The following CHODL variants were observed in gnomAD, a reference collection of about 807,000 sequenced individuals.
The protein encoded by CHODL is chondrolectin, also known as transmembrane protein MT75.
A neutral mutation model predicts 34.5 loss-of-function variants in CHODL; 29 were observed. The ratio of observed to expected loss-of-function variants is 0.84; its 90% CI spans 0.63 to 1.15. CHODL has a LOEUF of 1.15. Ranked by LOEUF, CHODL falls within the 50% of genes most tolerant of loss-of-function variation. The pLI, the probability that CHODL is intolerant of heterozygous loss-of-function variation, is 0.00. For missense variants in CHODL, 332 were observed against 332.5 expected, an observed-to-expected ratio of 1.00 and a Z score of 0.01; for synonymous variants, 125 against 116.1, an observed-to-expected ratio of 1.08 and a Z score of -0.49.
At chr21:18,096,521 G>A (rs8129584) in intron 2 of CHODL, among the ~76,000 whole-genome samples, 54,133 of 151,978 alleles carry the variant, frequency 0.36, 11,068 homozygotes, top group East Asian at 0.84. Context: ...GCCACTCTGG[G>A]AGTGTCTGTC....
At chr21:18,067,284 T>C (rs1051446604) in intron 2 of CHODL, among the ~76,000 whole-genome samples, 2 of 152,232 alleles carry the variant, frequency 1.3e-5, no homozygotes, top group African/African-American at 4.8e-5. Flanking sequence ...CAGAATGTGA[T>C]CTTATTTGAC....
intron 2 of CHODL, among the ~76,000 whole-genome samples, chr21:18,051,907 A>C (rs1021037500): frequency 6.6e-6 from 1 of 152,002 alleles, no homozygotes; most frequent in African/African-American, 2.4e-5. Context: ...TGTTAATGGA[A>C]AAGAGAGGTC....
At chr21:18,216,445 C>G (rs1413409619) in intron 2 of CHODL, among the ~76,000 whole-genome samples, 1 of 151,966 alleles carries the variant, frequency 6.6e-6, no homozygotes, top group African/African-American at 2.4e-5. Flanking sequence ...CCCCATTACA[C>G]TTCCCACTCA....
chr21:18,112,517 T>A (rs1392520181), intron 2 of CHODL, among the ~76,000 whole-genome samples: 1 of 152,052 alleles, frequency 6.6e-6, no homozygotes, highest in Non-Finnish European at 1.5e-5. Context: ...TCAAATTATA[T>A]TACAGAGCTA....
chr21:18,236,652 C>T (rs986543571), intron 2 of CHODL, among the ~76,000 whole-genome samples: 1 of 152,008 alleles, frequency 6.6e-6, no homozygotes, highest in Non-Finnish European at 1.5e-5. Context: ...AGAAAGTGAG[C>T]AGGCAGTTTC....
intron 1 of CHODL, among the ~76,000 whole-genome samples, chr21:17,941,354 A>G (rs1382752533): frequency 6.8e-6 from 1 of 146,066 alleles, no homozygotes; most frequent in Non-Finnish European, 1.5e-5. Flanking sequence ...TCACACAGCA[A>G]TAATATATTT....
upstream of CHODL, among the ~76,000 whole-genome samples, chr21:18,241,725 C>G (rs139384814): frequency 3.9e-3 from 586 of 152,160 alleles, 3 homozygotes; most frequent in African/African-American, 0.012. Flanking sequence ...TGAAGGAGTT[C>G]GTGATATATT....
At chr21:18,108,230 G>A (rs77713026) in intron 2 of CHODL, among the ~76,000 whole-genome samples, 2,164 of 151,742 alleles carry the variant, frequency 0.014, 65 homozygotes, top group South Asian at 0.13. Context: ...GGAAGGTCAC[G>A]GTTGCATATT....
At chr21:18,034,748 C>T (rs2064289940) in intron 2 of CHODL, 1 of 151,938 alleles carries the variant, frequency 6.6e-6, no homozygotes, top group Admixed American at 6.6e-5. Flanking sequence ...AATCTTGAAC[C>T]CCAGTACTTA....
intron 3 of CHODL, 74 bp from the exon 4 acceptor site, chr21:18,260,126 A>T (rs562241725): frequency 1.9e-6 from 1 of 537,294 alleles, no homozygotes; most frequent in African/African-American, 2.2e-5. Flanking sequence ...TTTATAATAT[A>T]ATTTCATATT....
At chr21:18,158,915 A>G (rs1357242724) in intron 2 of CHODL, among the ~76,000 whole-genome samples, 1 of 151,866 alleles carries the variant, frequency 6.6e-6, no homozygotes, top group Non-Finnish European at 1.5e-5. Context: ...TTCTTAGTGT[A>G]TTGTGCATGT....
intron 2 of CHODL, among the ~76,000 whole-genome samples, chr21:18,072,835 A>T (rs985574976): frequency 2.0e-5 from 3 of 152,176 alleles, no homozygotes; most frequent in East Asian, 1.9e-4. Flanking sequence ...ATATACCTAT[A>T]AAAAAGTTTT....
At chr21:18,261,563 A>G (rs1388465625) in intron 4 of CHODL, among the ~76,000 whole-genome samples, 1 of 151,980 alleles carries the variant, frequency 6.6e-6, no homozygotes, top group Non-Finnish European at 1.5e-5. Context: ...GCTATTTGGG[A>G]GGCTGAGGCA....
At chr21:18,141,677 G>A (rs1410037613) in intron 2 of CHODL, among the ~76,000 whole-genome samples, 2 of 151,624 alleles carry the variant, frequency 1.3e-5, no homozygotes, top group South Asian at 4.2e-4. Flanking sequence ...GGCTTCGCAG[G>A]TGTGGTGGCT....
intron 2 of CHODL, among the ~76,000 whole-genome samples, chr21:18,208,720 C>T (rs2073740370): frequency 6.6e-6 from 1 of 152,084 alleles, no homozygotes. Flanking sequence ...GGAGACACCC[C>T]AAGCCCAGTA....
In CHODL at chr21:18,138,056, G is replaced by A. The variant is rs575684769; in HGVS notation, c.-45+110085G>A. Among the ~76,000 whole-genome samples, 96 of 152,084 alleles carry A rather than the reference G, an allele frequency of 6.3e-4. 1 individual carries two copies. In the South Asian group the frequency reaches 0.018, roughly 28 times the overall value. On this transcript the variant is annotated intron_variant, in intron 2 of 6. Coordinates refer to the CHODL transcript ENST00000400127. ...CCAGGAATTAAAATATGTATTGTCA[G>A]GTTCATTTTGCCCTTCCTATGAAAC...
intron 1 of CHODL, among the ~76,000 whole-genome samples, chr21:18,008,554 A>G (rs937641584): frequency 1.3e-5 from 2 of 151,892 alleles, no homozygotes; most frequent in Non-Finnish European, 2.9e-5. Flanking sequence ...CTCTGCTTCT[A>G]TGAGTTTCAC....
chr21:17,918,516 A>T (rs560560353), intron 1 of CHODL, among the ~76,000 whole-genome samples: 152 of 151,854 alleles, frequency 1.0e-3, no homozygotes, highest in African/African-American at 3.5e-3. Context: ...TTTTAAAAAC[A>T]TCAAATGTCT....
chr21:18,111,463 A>G (rs1436872488), intron 2 of CHODL, among the ~76,000 whole-genome samples: 2 of 152,218 alleles, frequency 1.3e-5, no homozygotes, highest in Non-Finnish European at 2.9e-5. Flanking sequence ...ATTTGATGGT[A>G]CAGATTTTCC....
Sources: allele counts gnomAD v4.1 joint callset (sites outside exome capture counted in the v4.1 genomes callset), GRCh38; gene constraint gnomAD v4.1.1; transcripts MANE v1.5; gene names NCBI Gene and HGNC (gene_info 2026-07-23, HGNC 2026-07-21).